ALX4: variants seen among roughly 807,000 people sequenced by gnomAD.
ALX4 encodes homeobox protein aristaless-like 4.
A neutral mutation model predicts 40.6 loss-of-function variants in ALX4; 22 were observed. The ratio of observed to expected loss-of-function variants is 0.54; its 90% CI spans 0.39 to 0.77. ALX4 has a LOEUF of 0.77. Among genes scored for constraint, ALX4 ranks in the 30% least tolerant of loss-of-function variants. The pLI is 0.00. For missense variants in ALX4, 556 were observed against 564.8 expected (o/e 0.98, Z 0.16); for synonymous variants, 266 against 240.5 (o/e 1.11, Z -0.98).
At chr11:44,296,792 T>G (rs1224967126) in intron 1 of ALX4, among the ~76,000 whole-genome samples, 1 of 152,044 alleles carries the variant, frequency 6.6e-6, no homozygotes, top group African/African-American at 2.4e-5. Context: ...GTGGATCACC[T>G]GAGGTCAGGA....
chr11:44,285,079 C>T (rs529347713), intron 1 of ALX4, among the ~76,000 whole-genome samples: 16 of 152,296 alleles, frequency 1.1e-4, no homozygotes, highest in South Asian at 2.1e-4. Flanking sequence ...ATTCTCCTGC[C>T]GCAGCCTCCT....
intron 2 of ALX4, among the ~76,000 whole-genome samples, chr11:44,269,541 G>C (rs552556361): frequency 1.3e-5 from 2 of 152,352 alleles, no homozygotes; most frequent in South Asian, 4.1e-4. Context: ...CACTAGTGTG[G>C]CTACACGCAC....
intron 1 of ALX4, among the ~76,000 whole-genome samples, chr11:44,288,874 A>G (rs1000852476): frequency 2.0e-5 from 3 of 152,238 alleles, no homozygotes; most frequent in Admixed American, 6.5e-5. Flanking sequence ...TGGTGGAAAG[A>G]AAGAACCCTA....
At chr11:44,305,032 C>T (rs1160375248) in intron 1 of ALX4, among the ~76,000 whole-genome samples, 1 of 152,198 alleles carries the variant, frequency 6.6e-6, no homozygotes, top group African/African-American at 2.4e-5. Flanking sequence ...AAATGGGGTC[C>T]CCGGTGCTCC....
chr11:44,294,797 T>C (rs904748809), intron 1 of ALX4, among the ~76,000 whole-genome samples: 1 of 152,170 alleles, frequency 6.6e-6, no homozygotes, highest in East Asian at 1.9e-4. Context: ...GAGCACTTAC[T>C]ATGCTCCAGG....
In ALX4 at chr11:44,309,456, A is replaced by C. The variant is rs944121186; in HGVS notation, c.466+141T>G. On this transcript the variant is annotated intron_variant, in intron 1 of 3. Coordinates refer to ENST00000652299, the MANE Select transcript of ALX4 (RefSeq NM_021926.4). ...CAGATCCCTTGGCTCCCTCGCAGCG[A>C]TCGATCCCGTTTACCGACCAGAGTC... 7 of 1,457,230 alleles carry C rather than the reference A, an allele frequency of 4.8e-6. No individual in the cohort carries two copies. In the South Asian group the frequency reaches 8.2e-5, roughly 17 times the overall value. 90.3% of individuals were successfully genotyped at this position (1,457,230 alleles called of 1,614,324 possible). A position where few individuals can be genotyped will look rare whatever the true frequency, so the allele number is the denominator to read the frequency against.
At position 44,264,940 on chromosome 11, in the gene ALX4, C is replaced by T. The variant is rs763307132; in HGVS notation, c.1150G>A (p.Gly384Ser). 24 of 1,612,924 alleles carry T rather than the reference C, an allele frequency of 1.5e-5. No individual in the cohort carries two copies. Among genetic ancestry groups the T allele is most frequent in the South Asian group, 5.5e-5 (5 of 91,044 alleles). Residue 384 changes from glycine (G) to serine (S), a missense_variant, in exon 4 of 4, where the codon GGC becomes AGC. By Grantham distance (56) the Gly-to-Ser change is moderately conservative. Coordinates refer to ENST00000652299, the MANE Select transcript of ALX4 (RefSeq NM_021926.4). The part of the protein sequence containing the change: ...SPGLNGYELN[G>S]EPDRKTSSIA... ...CTCGAGGTCTTGCGGTCCGGCTCGC[C>T]GTTGAGCTCGTAGCCATTGAGGCCT...
chr11:44,275,712 G>A lies in ALX4; in HGVS notation c.467-54C>T. 3.8e-6 allele frequency: 6 copies of A among 1,569,230 alleles called. No homozygotes were observed. In the South Asian group the frequency reaches 4.7e-5, roughly 12 times the overall value. On this transcript the variant is annotated intron_variant, in intron 1 of 3. Coordinates refer to ENST00000652299, the MANE Select transcript of ALX4 (RefSeq NM_021926.4). The stretch of plus-strand genomic sequence containing the variant: ...CCAATGGTTGAACCAAACAAGAGAA[G>A]GGGAATGTCAGGGGGAGAGTGGGGC...
At chr11:44,278,163 C>T (rs77518752) in intron 1 of ALX4, among the ~76,000 whole-genome samples, 3,546 of 152,176 alleles carry the variant, frequency 0.023, 145 homozygotes, top group African/African-American at 0.082. Context: ...GCCCCATAGA[C>T]GCTTGCTGGG....
At chr11:44,293,684 G>A (rs1956386791) in intron 1 of ALX4, among the ~76,000 whole-genome samples, 1 of 152,232 alleles carries the variant, frequency 6.6e-6, no homozygotes, top group African/African-American at 2.4e-5. Context: ...GAGGAGGCCT[G>A]GCCCTCACTG....
At chr11:44,293,164 GAAGGAAGCAGGC>G (rs1459753215) in intron 1 of ALX4, among the ~76,000 whole-genome samples, 1 of 32,952 alleles carries the variant, frequency 3.0e-5, no homozygotes, top group African/African-American at 1.8e-4. Flanking sequence ...AGGAAGGAAG[GAAGGAAGCAGGC>G]AGGCAGGGAG....
chr11:44,300,458 G>T lies in ALX4; in HGVS notation c.466+9139C>A, dbSNP rs116958581. On this transcript the variant is annotated intron_variant, in intron 1 of 3. Transcript: ENST00000652299. ...GAATGGATCCTTGTGGCCACATAGA[G>T]ACATCGGGGAGGCTCACATATCCAG... 2.6e-5 allele frequency among the ~76,000 whole-genome samples: 4 copies of T among 152,278 alleles called. No individual in the cohort carries two copies. The East Asian group carries it at 7.7e-4, about 29-fold the overall frequency.
intron 2 of ALX4, among the ~76,000 whole-genome samples, chr11:44,272,824 A>T (rs748186505): frequency 4.5e-5 from 4 of 88,018 alleles, no homozygotes; most frequent in Non-Finnish European, 9.3e-5. Flanking sequence ...ATAAAAAAAT[A>T]AAAAAAAAAT....
chr11:44,265,065 C>T lies in ALX4; in HGVS notation c.1025G>A (p.Gly342Glu). 3 of 1,613,000 alleles carry T rather than the reference C, an allele frequency of 1.9e-6. No individual in the cohort carries two copies. The highest frequency in any genetic ancestry group is 2.5e-6 in the Non-Finnish European group (3 of 1,179,922). ...MSPHAHPPGS[G>E]ASSVTDFLSV... is the part of the protein sequence containing the mutation. ...CAGGAAGTCGGTGACGCTGCTGGCC[C>T]CAGAGCCAGGGGGGTGGGCATGAGG... The change falls in exon 4 of 4, where the codon GGG (glycine) becomes GAG (glutamate). Residue 342 changes from glycine to glutamate, a missense_variant. By Grantham distance (98) the Gly-to-Glu change is moderately conservative. Transcript: ENST00000652299.
chr11:44,271,841 T>C (rs1590689347), intron 2 of ALX4, among the ~76,000 whole-genome samples: 1 of 152,194 alleles, frequency 6.6e-6, no homozygotes, highest in Non-Finnish European at 1.5e-5. Flanking sequence ...TAGTGAATTC[T>C]ACTCCCGGGC....
chr11:44,295,819 G>T (rs1350880685), intron 1 of ALX4, among the ~76,000 whole-genome samples: 3 of 152,186 alleles, frequency 2.0e-5, no homozygotes, highest in African/African-American at 7.2e-5. Flanking sequence ...GAGCACAAAA[G>T]AATTTCCCCA....
chr11:44,300,931 G>A (rs1284710514), intron 1 of ALX4, among the ~76,000 whole-genome samples: 3 of 152,224 alleles, frequency 2.0e-5, no homozygotes, highest in African/African-American at 7.2e-5. Flanking sequence ...AAACCCTGGT[G>A]GCGCCTGCAC....
In ALX4 at chr11:44,260,445, G is replaced by A. The variant is rs1451484705; in HGVS notation, c.*4409C>T. The A allele has an allele frequency of 6.6e-6, 1 of 152,164 alleles. No individual in the cohort carries two copies. The highest frequency in any genetic ancestry group is 1.5e-5 in the Non-Finnish European group (1 of 68,040). The allele number at this position is 152,164 out of a possible 1,614,324, so 9.4% of individuals were successfully genotyped here. ...AAAACAGACAGATTCCAGTTGAGAG[G>A]AGGAAGGAGAAGGAGTTTATTGCAA... is the stretch of plus-strand genomic sequence containing the variant. On this transcript the variant is annotated 3_prime_UTR_variant, in exon 4 of 4. Coordinates refer to ENST00000652299, the MANE Select transcript of ALX4 (RefSeq NM_021926.4).
At chr11:44,293,972 G>A (rs1286294464) in intron 1 of ALX4, among the ~76,000 whole-genome samples, 2 of 152,108 alleles carry the variant, frequency 1.3e-5, no homozygotes, top group Admixed American at 6.5e-5. Context: ...TGTAGCCCAC[G>A]TACAACATGC....
Sources: gnomAD v4.1 joint callset for allele counts (sites outside exome capture counted in the v4.1 genomes callset) on GRCh38, gnomAD v4.1.1 for gene constraint, MANE v1.5 for transcripts, NCBI Gene and HGNC (gene_info 2026-07-23, HGNC 2026-07-21) for gene names.